PADI3: variants seen among roughly 807,000 people sequenced by gnomAD.
PADI3 encodes peptidyl arginine deiminase 3, also known as protein-arginine deiminase type-3.
A neutral mutation model predicts 71.5 loss-of-function variants in PADI3; 53 were observed. The ratio of observed to expected loss-of-function variants is 0.74; its 90% CI spans 0.59 to 0.93. PADI3 has a LOEUF of 0.93. Ranked by LOEUF, PADI3 falls within the 40% of genes least tolerant of loss-of-function variation. The pLI is 0.00. For missense variants in PADI3, 821 were observed against 868.0 expected (o/e 0.95, Z 0.68); for synonymous variants, 361 against 347.5 (o/e 1.04, Z -0.43).
At chr1:17,264,024 G>C (rs2073133218) in intron 3 of PADI3, among the ~76,000 whole-genome samples, 1 of 152,174 alleles carries the variant, frequency 6.6e-6, no homozygotes, top group East Asian at 1.9e-4. Context: ...AGAACTTCTA[G>C]GTTATAGAGA....
chr1:17,271,270 C>T, intron 9 of PADI3, 92 bp downstream of exon 9: 1 of 1,063,650 alleles, frequency 9.4e-7, no homozygotes, highest in Non-Finnish European at 1.4e-6. Flanking sequence ...TCCAGGAGGA[C>T]CTGGGTGCTC....
intron 13 of PADI3, among the ~76,000 whole-genome samples, chr1:17,279,279 C>A (rs11585118): frequency 0.11 from 16,715 of 152,192 alleles, 1,242 homozygotes; most frequent in Non-Finnish European, 0.16. Flanking sequence ...TGATTAGACA[C>A]CTCAGTGCGC....
Position 17,274,757 on chromosome 1 carries a change from G to A in PADI3, c.1278G>A (p.Gly426=), listed in dbSNP as rs774252778. The A allele has an allele frequency of 1.9e-6, 3 of 1,613,970 alleles. No homozygotes were observed. In the South Asian group the frequency reaches 3.3e-5, roughly 18 times the overall value. ...CCAATGGGAAAGAGTACCCCCTGGGGAGGATCCTCATTGGGGGCAACCTGC... is the reference window on the plus strand; with the variant it reads ...CCAATGGGAAAGAGTACCCCCTGGGAAGGATCCTCATTGGGGGCAACCTGC... ...VVANGKEYPL[G]RILIGGNLPG... The change falls in exon 11 of 16, where the codon GGG becomes GGA. Residue 426 remains glycine (G), a synonymous_variant. Coordinates refer to ENST00000375460, the MANE Select transcript of PADI3 (RefSeq NM_016233.2).
intron 6 of PADI3, 25 bp from the exon 7 acceptor site, chr1:17,270,208 A>G: frequency 6.3e-7 from 1 of 1,593,834 alleles, no homozygotes. Context: ...AGGGAGTCAC[A>G]GCCACCCCGT....
chr1:17,272,308 G>A (rs990944144), intron 9 of PADI3, among the ~76,000 whole-genome samples: 2 of 152,082 alleles, frequency 1.3e-5, no homozygotes, highest in Non-Finnish European at 2.9e-5. Flanking sequence ...AAAGGCAAGG[G>A]TTGAGGTCGG....
intron 1 of PADI3, among the ~76,000 whole-genome samples, chr1:17,254,476 C>T (rs950027546): frequency 9.2e-5 from 14 of 152,318 alleles, no homozygotes; most frequent in African/African-American, 3.1e-4. Context: ...ACAGAGCTGG[C>T]CATGAGTCCT....
At chr1:17,271,851 AAAAAG>A (rs1207634158) in intron 9 of PADI3, among the ~76,000 whole-genome samples, 15 of 146,506 alleles carry the variant, frequency 1.0e-4, no homozygotes, top group African/African-American at 2.8e-4. Context: ...AAAAAAAAAA[AAAAAG>A]AGAGAGAGAG....
chr1:17,283,469 A>G lies in PADI3; in HGVS notation c.*390A>G, dbSNP rs1156261426. On this transcript the variant is annotated 3_prime_UTR_variant, in exon 16 of 16. Coordinates refer to ENST00000375460, the MANE Select transcript of PADI3 (RefSeq NM_016233.2). ...GTGCATCCTAACAGAGGAAGGATCC[A>G]TGATTCTGCTTTGGTCCAATTGCTT... is the stretch of plus-strand genomic sequence containing the variant. The G allele has an allele frequency of 3.7e-5, 7 of 189,318 alleles. No homozygotes were observed. Among genetic ancestry groups the G allele is most frequent in the Admixed American group, 5.5e-5 (1 of 18,256 alleles). 11.7% of individuals were successfully genotyped at this position (189,318 alleles called of 1,614,324 possible). A position where few individuals can be genotyped will look rare whatever the true frequency, so the allele number is the denominator to read the frequency against.
At position 17,274,752 on chromosome 1, in the gene PADI3, C is replaced by A. The variant is rs766448823; in HGVS notation, c.1273C>A (p.Leu425Met). Reference sequence around the variant, plus strand: ...GGTGGCCAATGGGAAAGAGTACCCCCTGGGGAGGATCCTCATTGGGGGCAA... The same window carrying A: ...GGTGGCCAATGGGAAAGAGTACCCCATGGGGAGGATCCTCATTGGGGGCAA... Reference protein sequence around the residue: ...PVVANGKEYPLGRILIGGNLP... With the variant: ...PVVANGKEYPMGRILIGGNLP... The change falls in exon 11 of 16, where the codon CTG becomes ATG. Residue 425 changes from leucine (L) to methionine (M), a missense_variant. Transcript: ENST00000375460. The A allele has an allele frequency of 1.2e-6, 2 of 1,613,908 alleles. No homozygotes were observed. Among genetic ancestry groups the A allele is most frequent in the Non-Finnish European group, 1.7e-6 (2 of 1,179,888 alleles).
Position 17,266,890 on chromosome 1 carries a change from C to G in PADI3, c.526+54C>G, listed in dbSNP as rs180907946. 44 of 1,364,808 alleles carry G rather than the reference C, an allele frequency of 3.2e-5. No individual in the cohort carries two copies. In the East Asian group the frequency reaches 9.8e-4, roughly 31 times the overall value. 84.5% of individuals were successfully genotyped at this position (1,364,808 alleles called of 1,614,324 possible). A position where few individuals can be genotyped will look rare whatever the true frequency, so the allele number is the denominator to read the frequency against. ...GTGTCCAGGGTCACTGCTCAGTTACCCCATGGGAGTTCCAACCCACAGGCG... is the reference window on the plus strand; with the variant it reads ...GTGTCCAGGGTCACTGCTCAGTTACGCCATGGGAGTTCCAACCCACAGGCG... On this transcript the variant is annotated intron_variant, in intron 5 of 15. Coordinates refer to ENST00000375460, the MANE Select transcript of PADI3 (RefSeq NM_016233.2).
chr1:17,274,359 G>T (rs948608917), intron 10 of PADI3, among the ~76,000 whole-genome samples: 1 of 152,246 alleles, frequency 6.6e-6, no homozygotes, highest in Non-Finnish European at 1.5e-5. Flanking sequence ...CTCCATGTCC[G>T]ATGGGGAGTG....
chr1:17,276,433 T>C, intron 11 of PADI3, 86 bp from the exon 12 acceptor site: 1 of 1,388,310 alleles, frequency 7.2e-7, no homozygotes, highest in Non-Finnish European at 1.0e-6. Context: ...AATCAGATAT[T>C]GCAGGAATGC....
chr1:17,255,312 A>G (rs1002930829), intron 1 of PADI3, among the ~76,000 whole-genome samples: 1 of 152,234 alleles, frequency 6.6e-6, no homozygotes, highest in Non-Finnish European at 1.5e-5. Context: ...TCACCATCTT[A>G]GGCTGGCTGT....
chr1:17,267,461 G>A (rs1425154508), intron 5 of PADI3, among the ~76,000 whole-genome samples: 1 of 152,206 alleles, frequency 6.6e-6, no homozygotes, highest in Admixed American at 6.5e-5. Context: ...ATTGGACATG[G>A]GGATGCTGGG....
chr1:17,253,574 T>G (rs2072992277), intron 1 of PADI3, among the ~76,000 whole-genome samples: 1 of 152,146 alleles, frequency 6.6e-6, no homozygotes, highest in Non-Finnish European at 1.5e-5. Context: ...ACCCTGGAAG[T>G]GTGTTTCAAT....
At chr1:17,272,762 T>C (rs145367155) in intron 9 of PADI3, among the ~76,000 whole-genome samples, 1 of 152,250 alleles carries the variant, frequency 6.6e-6, no homozygotes, top group Admixed American at 6.5e-5. Context: ...CCTCCCAAAG[T>C]GCTGGGATTA....
chr1:17,258,843 T>C (rs1051374794), intron 1 of PADI3, among the ~76,000 whole-genome samples: 1 of 152,176 alleles, frequency 6.6e-6, no homozygotes, highest in Non-Finnish European at 1.5e-5. Flanking sequence ...TGTGATGGGA[T>C]CTGGGGTGAG....
rs747531633 is a variant in PADI3, at chr1:17,276,579, G to GC, written c.1374dup (p.Val459ArgfsTer15). 3.1e-6 allele frequency: 5 copies of GC among 1,614,166 alleles called. No homozygotes were observed. The highest frequency in any genetic ancestry group is 1.6e-4 in the Middle Eastern group (1 of 6,062). On this transcript the variant is annotated frameshift_variant, in exon 12 of 16. Transcript: ENST00000375460. LOFTEE classifies it high-confidence loss of function. The stretch of plus-strand genomic sequence containing the variant: ...ACTTCCTCCATGCCCAGAAGGTGCA[G>GC]CCCCCCGTGGAGCTCTTTGTGGACT...
At position 17,278,156 on chromosome 1, in the gene PADI3, G is replaced by A. The variant is rs375670915; in HGVS notation, c.1555+1280G>A. Among the ~76,000 whole-genome samples, 209 of 152,322 alleles carry A rather than the reference G, an allele frequency of 1.4e-3. 1 individual carries two copies. Among genetic ancestry groups the A allele is most frequent in the African/African-American group, 4.6e-3 (192 of 41,572 alleles). On this transcript the variant is annotated intron_variant, in intron 13 of 15. Coordinates refer to ENST00000375460, the MANE Select transcript of PADI3 (RefSeq NM_016233.2). The stretch of plus-strand genomic sequence containing the variant: ...CCCTGACAAGTCAGGAGAGAGACTC[G>A]GGGACAAAGAAACAACTTTATACTG...
Sources: gnomAD v4.1 joint callset for allele counts (sites outside exome capture counted in the v4.1 genomes callset) on GRCh38, gnomAD v4.1.1 for gene constraint, MANE v1.5 for transcripts, NCBI Gene and HGNC (gene_info 2026-07-23, HGNC 2026-07-21) for gene names.